The following MTUS2 variants were observed in gnomAD, a reference collection of about 807,000 sequenced individuals.
MTUS2 encodes microtubule-associated tumor suppressor candidate 2.
A neutral mutation model predicts 114.1 loss-of-function variants in MTUS2; 40 were observed. The observed-to-expected ratio is 0.35, with a 90% CI of 0.27 to 0.46. The LOEUF (loss-of-function observed/expected upper bound fraction) is 0.46, where lower values mean the gene tolerates loss of function less well. Among genes scored for constraint, MTUS2 ranks in the 20% least tolerant of loss-of-function variants. The pLI, the probability that MTUS2 is intolerant of heterozygous loss-of-function variation, is 1.00. For synonymous variants in MTUS2, 688 were observed against 672.0 expected (o/e 1.02, Z -0.37); for missense variants, 1,679 against 1,705.4 (o/e 0.98, Z 0.27).
At position 28,835,737 on chromosome 13, in the gene MTUS2, C is replaced by G. The variant is rs78974553; in HGVS notation, c.-315-4041C>G. Among the ~76,000 whole-genome samples, 1,307 of 152,290 alleles carry G rather than the reference C, an allele frequency of 8.6e-3. 18 individuals are homozygous for G. Among genetic ancestry groups the G allele is most frequent in the African/African-American group, 0.03 (1,248 of 41,562 alleles). The stretch of plus-strand genomic sequence containing the variant: ...TTTAGTTCCCCCCAAGGCAGGTGCT[C>G]TGCCTTGCCCTGGTCCTGCTCAGAT... On this transcript the variant is annotated intron_variant, in intron 1 of 15. Coordinates refer to ENST00000612955, the MANE Select transcript of MTUS2 (RefSeq NM_001033602.4).
chr13:29,181,062 T>C (rs1411125455), intron 5 of MTUS2, among the ~76,000 whole-genome samples: 2 of 152,268 alleles, frequency 1.3e-5, no homozygotes, highest in South Asian at 2.1e-4. Context: ...AGAAACAATA[T>C]GGCAATTCTT....
At chr13:29,307,505 TG>T in intron 6 of MTUS2, 3 of 1,250,670 alleles carry the variant, frequency 2.4e-6, no homozygotes, top group Non-Finnish European at 3.5e-6. Flanking sequence ...TTGTCAGTTG[TG>T]GATCTGACCT....
chr13:29,254,441 A>AT, intron 5 of MTUS2, among the ~76,000 whole-genome samples: 3 of 152,252 alleles, frequency 2.0e-5, no homozygotes, highest in Non-Finnish European at 4.4e-5. Flanking sequence ...TTGTCAATCA[A>AT]GTTGACTTGA....
intron 2 of MTUS2, among the ~76,000 whole-genome samples, chr13:28,888,524 C>G (rs561831629): frequency 6.6e-6 from 1 of 150,956 alleles, no homozygotes; most frequent in Non-Finnish European, 1.5e-5. Context: ...TGGGTTCAAG[C>G]GATTCTCCTG....
intron 8 of MTUS2, among the ~76,000 whole-genome samples, chr13:29,384,779 C>T (rs1220840377): frequency 6.6e-6 from 1 of 152,154 alleles, no homozygotes; most frequent in Non-Finnish European, 1.5e-5. Flanking sequence ...AACATGGCAG[C>T]CCCCAGCCTG....
rs1022118060 is a variant in MTUS2 at position 29,100,853 on chromosome 13, C to G, written c.2527C>G (p.Arg843Gly). ...KSGLRPPGYSRLPAAKLAAFG... is the reference protein window; with the variant it reads ...KSGLRPPGYSGLPAAKLAAFG... ...TGGTCTCCGTCCTCCCGGATACTCA[C>G]GTCTCCCGGCAGCCAAACTGGCGGC... Residue 843 changes from arginine (R) to glycine (G), a missense_variant, in exon 5 of 16, where the codon CGT becomes GGT. Physicochemically the swap from Arg to Gly is moderately radical, Grantham distance 125. Coordinates refer to ENST00000612955, the MANE Select transcript of MTUS2 (RefSeq NM_001033602.4). 2.4e-5 allele frequency: 38 copies of G among 1,552,678 alleles called. No individual in the cohort carries two copies. The highest frequency in any genetic ancestry group is 3.1e-5 in the Non-Finnish European group (36 of 1,147,610).
chr13:29,044,800 T>C (rs545258170), intron 4 of MTUS2, among the ~76,000 whole-genome samples: 2 of 152,350 alleles, frequency 1.3e-5, no homozygotes, highest in East Asian at 1.9e-4. Flanking sequence ...AAGGCTGATA[T>C]GAAGATATCA....
intron 5 of MTUS2, among the ~76,000 whole-genome samples, chr13:29,178,280 T>G (rs1292202931): frequency 6.6e-6 from 1 of 152,218 alleles, no homozygotes. Context: ...TGTTACTTTG[T>G]CAATTTTTGT....
intron 2 of MTUS2, among the ~76,000 whole-genome samples, chr13:28,864,607 G>C (rs1256222558): frequency 6.6e-6 from 1 of 152,188 alleles, no homozygotes; most frequent in South Asian, 2.1e-4. Context: ...AATTAAGAAG[G>C]TTAAAAAGGT....
intron 2 of MTUS2, among the ~76,000 whole-genome samples, chr13:28,920,811 G>A (rs1247322339): frequency 2.0e-5 from 3 of 152,212 alleles, no homozygotes. Flanking sequence ...AGGCAGAGGA[G>A]CCTCTTCTTG....
intron 2 of MTUS2, among the ~76,000 whole-genome samples, chr13:28,933,754 C>A (rs188964960): frequency 6.6e-6 from 1 of 152,172 alleles, no homozygotes; most frequent in Non-Finnish European, 1.5e-5. Flanking sequence ...GAAACAAATG[C>A]TCAGGGTCAT....
At chr13:29,198,216 G>C (rs896310646) in intron 5 of MTUS2, among the ~76,000 whole-genome samples, 2 of 152,164 alleles carry the variant, frequency 1.3e-5, no homozygotes, top group Non-Finnish European at 2.9e-5. Flanking sequence ...TTAGGTTTAA[G>C]TCTATAATCC....
rs558730829 is a variant in MTUS2 at position 29,039,641 on chromosome 13, C to T, written c.2446+5516C>T. Among the ~76,000 whole-genome samples the T allele has an allele frequency of 2.8e-4, 43 of 152,286 alleles. 1 individual carries two copies. In the South Asian group the frequency reaches 8.1e-3, roughly 29 times the overall value. On this transcript the variant is annotated intron_variant, in intron 4 of 15. Coordinates refer to ENST00000612955, the MANE Select transcript of MTUS2 (RefSeq NM_001033602.4). ...GTAGAAGATAGAATTTCTGCCAGGT[C>T]CTGAAAACTGCAGATGCCTGTTGAC... is the stretch of plus-strand genomic sequence containing the variant.
chr13:29,327,131 AT>A (rs1182444241), intron 7 of MTUS2, among the ~76,000 whole-genome samples: 7 of 108,744 alleles, frequency 6.4e-5, no homozygotes, highest in African/African-American at 1.8e-4. Context: ...AAATATAAAA[AT>A]ATTAAAAATG....
At chr13:29,293,367 A>G (rs1898798070) in intron 6 of MTUS2, among the ~76,000 whole-genome samples, 1 of 152,202 alleles carries the variant, frequency 6.6e-6, no homozygotes, top group South Asian at 2.1e-4. Flanking sequence ...TTTACTAATA[A>G]CTAAACATAT....
chr13:29,211,978 C>A (rs1895461410), intron 5 of MTUS2, among the ~76,000 whole-genome samples: 1 of 152,188 alleles, frequency 6.6e-6, no homozygotes, highest in Non-Finnish European at 1.5e-5. Context: ...CATTTCCCCT[C>A]ACTTTCTAAT....
chr13:28,893,879 T>C lies in MTUS2; in HGVS notation c.-243+54029T>C, dbSNP rs116563308. On this transcript the variant is annotated intron_variant, in intron 2 of 15. Coordinates refer to ENST00000612955, the MANE Select transcript of MTUS2 (RefSeq NM_001033602.4). The stretch of plus-strand genomic sequence containing the variant: ...CAAATTTTTATGACTCAAAGAAATA[T>C]GTTGTAAAGCTAGGCACCAGATCGA... Among the ~76,000 whole-genome samples the C allele has an allele frequency of 8.2e-3, 1,245 of 152,310 alleles. 14 individuals carry two copies. The highest frequency in any genetic ancestry group is 0.028 in the African/African-American group (1,178 of 41,556).
intron 2 of MTUS2, among the ~76,000 whole-genome samples, chr13:29,005,981 G>T (rs1259077242): frequency 6.6e-6 from 1 of 152,226 alleles, no homozygotes; most frequent in African/African-American, 2.4e-5. Context: ...ATTGTAGCTA[G>T]CTCTTTTAAA....
intron 8 of MTUS2, among the ~76,000 whole-genome samples, chr13:29,414,404 A>G (rs1464910630): frequency 8.0e-6 from 1 of 125,626 alleles, no homozygotes; most frequent in African/African-American, 3.0e-5. Context: ...ATGTATACAT[A>G]TGTAACTAAC....
Sources: gnomAD v4.1 joint callset for allele counts (sites outside exome capture counted in the v4.1 genomes callset) on GRCh38, gnomAD v4.1.1 for gene constraint, MANE v1.5 for transcripts, NCBI Gene and HGNC (gene_info 2026-07-23, HGNC 2026-07-21) for gene names.